Variants in CCSER1 observed in about 807,000 individuals in gnomAD.
CCSER1 encodes coiled-coil serine rich protein 1, also known as serine-rich coiled-coil domain-containing protein 1.
In CCSER1, 41 loss-of-function variants were observed where a neutral mutation model predicts 82.0. That is an observed-to-expected ratio of 0.50 (90% CI 0.39 to 0.65). The LOEUF is 0.65. Ranked by LOEUF, CCSER1 falls within the 30% of genes least tolerant of loss-of-function variation. The pLI is 0.00. For synonymous variants in CCSER1, 414 were observed against 383.9 expected (o/e 1.08, Z -0.92); for missense variants, 1,119 against 1,064.2 (o/e 1.05, Z -0.72).
intron 9 of CCSER1, among the ~76,000 whole-genome samples, chr4:90,998,462 T>A (rs946643530): frequency 3.9e-5 from 6 of 152,232 alleles, no homozygotes; most frequent in African/African-American, 9.6e-5. Context: ...TTTTTCCCAA[T>A]ATTTTCTTTA....
At chr4:90,786,967 A>G (rs1286148322) in intron 7 of CCSER1, among the ~76,000 whole-genome samples, 4 of 152,226 alleles carry the variant, frequency 2.6e-5, no homozygotes, top group Non-Finnish European at 5.9e-5. Flanking sequence ...GGCTCACAGA[A>G]CTCAGGGAAT....
At chr4:90,690,766 G>A (rs1735681049) in intron 6 of CCSER1, among the ~76,000 whole-genome samples, 1 of 151,926 alleles carries the variant, frequency 6.6e-6, no homozygotes, top group Non-Finnish European at 1.5e-5. Flanking sequence ...CTTTAAGTTA[G>A]TATGTGTGAT....
intron 1 of CCSER1, among the ~76,000 whole-genome samples, chr4:90,249,150 C>T (rs528966111): frequency 1.3e-5 from 2 of 152,272 alleles, no homozygotes; most frequent in African/African-American, 2.4e-5. Context: ...CAGCCCTACT[C>T]GTATATAACC....
At chr4:90,592,356 G>A (rs1180779989) in intron 5 of CCSER1, among the ~76,000 whole-genome samples, 1 of 152,124 alleles carries the variant, frequency 6.6e-6, no homozygotes, top group Non-Finnish European at 1.5e-5. Flanking sequence ...ATTAGACTTT[G>A]AGTCAAAAGT....
At chr4:90,139,281 G>T (rs1267637323) in intron 1 of CCSER1, among the ~76,000 whole-genome samples, 1 of 152,172 alleles carries the variant, frequency 6.6e-6, no homozygotes, top group Non-Finnish European at 1.5e-5. Flanking sequence ...TAAATTATGT[G>T]CCTGTATATA....
At chr4:90,139,705 C>T (rs182009192) in intron 1 of CCSER1, among the ~76,000 whole-genome samples, 1 of 152,202 alleles carries the variant, frequency 6.6e-6, no homozygotes, top group East Asian at 1.9e-4. Context: ...GTAATCCTAG[C>T]ACTTTGGAAG....
intron 5 of CCSER1, among the ~76,000 whole-genome samples, chr4:90,507,266 G>A (rs143509365): frequency 2.9e-3 from 439 of 151,066 alleles, no homozygotes; most frequent in African/African-American, 9.3e-3. Flanking sequence ...TGAAAGTTGT[G>A]CCATTATTCC....
intron 10 of CCSER1, among the ~76,000 whole-genome samples, chr4:91,394,375 T>C (rs1417427302): frequency 6.6e-6 from 1 of 152,042 alleles, no homozygotes; most frequent in Non-Finnish European, 1.5e-5. Context: ...CCAATAACAA[T>C]AATTAAATAA....
At chr4:90,843,037 G>C (rs1762768297) in intron 8 of CCSER1, among the ~76,000 whole-genome samples, 1 of 152,152 alleles carries the variant, frequency 6.6e-6, no homozygotes. Context: ...CTTGAAAAGA[G>C]TCAGCACAGG....
chr4:91,022,420 T>C (rs1298331997), intron 9 of CCSER1, among the ~76,000 whole-genome samples: 1 of 152,164 alleles, frequency 6.6e-6, no homozygotes, highest in Non-Finnish European at 1.5e-5. Context: ...TGTTGGACAT[T>C]TGGGTTGGTT....
intron 5 of CCSER1, among the ~76,000 whole-genome samples, chr4:90,475,515 C>T (rs187267723): frequency 6.6e-6 from 1 of 152,284 alleles, no homozygotes; most frequent in Admixed American, 6.5e-5. Context: ...AGTGGATTTT[C>T]AGAAGAATCA....
chr4:90,752,948 A>C (rs190164080), intron 7 of CCSER1, among the ~76,000 whole-genome samples: 1 of 152,024 alleles, frequency 6.6e-6, no homozygotes, highest in Non-Finnish European at 1.5e-5. Flanking sequence ...CTCAATAAAT[A>C]TTTTCATTTA....
At chr4:90,781,293 A>G in intron 7 of CCSER1, 1 of 985,160 alleles carries the variant, frequency 1.0e-6, no homozygotes, top group Non-Finnish European at 1.2e-6. Context: ...ACAGAAACAG[A>G]CACTGTGCTG....
intron 1 of CCSER1, among the ~76,000 whole-genome samples, chr4:90,279,701 A>C (rs1292567723): frequency 2.6e-5 from 4 of 152,028 alleles, no homozygotes; most frequent in Non-Finnish European, 5.9e-5. Context: ...AGAGCCTTAC[A>C]GTCATACCTA....
chr4:91,476,349 T>A (rs547725516), intron 10 of CCSER1, among the ~76,000 whole-genome samples: 1 of 151,804 alleles, frequency 6.6e-6, no homozygotes, highest in Non-Finnish European at 1.5e-5. Flanking sequence ...GGATGATATA[T>A]CTTTTTATGG....
chr4:91,567,689 A>T (rs751988275), intron 10 of CCSER1, among the ~76,000 whole-genome samples: 7 of 151,484 alleles, frequency 4.6e-5, no homozygotes, highest in Admixed American at 2.0e-4. Flanking sequence ...TGAAATAAGG[A>T]TTACTACCCC....
intron 10 of CCSER1, among the ~76,000 whole-genome samples, chr4:91,261,602 T>G (rs1197402479): frequency 2.0e-5 from 3 of 152,146 alleles, no homozygotes; most frequent in Non-Finnish European, 4.4e-5. Context: ...TAATGCTACC[T>G]CTTGTAACTT....
At chr4:91,569,040 G>T (rs1763034139) in intron 10 of CCSER1, among the ~76,000 whole-genome samples, 1 of 152,198 alleles carries the variant, frequency 6.6e-6, no homozygotes, top group Admixed American at 6.5e-5. Context: ...GTTCTCACCA[G>T]GCCAAGGCTT....
At chr4:90,914,100 A>G (rs1468115781) in intron 8 of CCSER1, among the ~76,000 whole-genome samples, 6 of 152,202 alleles carry the variant, frequency 3.9e-5, no homozygotes, top group Admixed American at 6.5e-5. Flanking sequence ...CAGAAAGTTA[A>G]CAAGTATATC....
Sources: allele counts gnomAD v4.1 joint callset (sites outside exome capture counted in the v4.1 genomes callset), GRCh38; gene constraint gnomAD v4.1.1; transcripts MANE v1.5; gene names NCBI Gene and HGNC (gene_info 2026-07-23, HGNC 2026-07-21).